SGCZ: variants seen among roughly 807,000 people sequenced by gnomAD.
SGCZ encodes the protein sarcoglycan zeta, also known as zeta-sarcoglycan.
Under a neutral mutation model 41.3 loss-of-function variants are expected in SGCZ, and 40 were observed. The observed-to-expected ratio is 0.97, with a 90% CI of 0.75 to 1.26. The LOEUF is 1.26. SGCZ is among the 50% of genes most tolerant of loss of function. The pLI, the probability that SGCZ is intolerant of heterozygous loss-of-function variation, is 0.00. For missense variants in SGCZ, 552 were observed against 369.8 expected (o/e 1.49, Z -4.04); for synonymous variants, 206 against 137.5 (o/e 1.50, Z -3.49).
At position 15,089,114 on chromosome 8, in the gene SGCZ, G is replaced by T. The variant is rs115040295; in HGVS notation, c.39+148471C>A. Among the ~76,000 whole-genome samples, 834 of 152,170 alleles carry T rather than the reference G, an allele frequency of 5.5e-3. 7 individuals carry two copies. Among genetic ancestry groups the T allele is most frequent in the African/African-American group, 0.019 (791 of 41,506 alleles). ...GTCTAACGTTAAAATGTTGGTTTAT[G>T]GCCATAGTTATATATTATAAATGCC... On this transcript the variant is annotated intron_variant, in intron 1 of 7. Transcript: ENST00000382080.
intron 1 of SGCZ, among the ~76,000 whole-genome samples, chr8:14,821,670 C>T (rs111827926): frequency 6.6e-6 from 1 of 152,046 alleles, no homozygotes; most frequent in Non-Finnish European, 1.5e-5. Flanking sequence ...ATACCCAAAT[C>T]ATTAAATGTG....
At chr8:14,376,292 C>T (rs1476614937) in intron 2 of SGCZ, among the ~76,000 whole-genome samples, 1 of 151,904 alleles carries the variant, frequency 6.6e-6, no homozygotes, top group Admixed American at 6.6e-5. Context: ...GCCTGGGCAA[C>T]AGAGCGGGAC....
At position 14,320,256 on chromosome 8, in the gene SGCZ, G is replaced by C. The variant is rs73533315; in HGVS notation, c.336+3847C>G. On this transcript the variant is annotated intron_variant, in intron 3 of 7. Transcript: ENST00000382080. ...ATAATGATAACCATGATAATACAAT[G>C]ATTATGAAAGCCTTCAGATATCTAT... is the stretch of plus-strand genomic sequence containing the variant. Among the ~76,000 whole-genome samples, 362 of 151,590 alleles carry C rather than the reference G, an allele frequency of 2.4e-3. 3 individuals are homozygous for C. The highest frequency in any genetic ancestry group is 8.3e-3 in the African/African-American group (345 of 41,436).
intron 1 of SGCZ, among the ~76,000 whole-genome samples, chr8:14,757,727 A>T (rs1286666678): frequency 2.0e-5 from 3 of 152,210 alleles, no homozygotes; most frequent in Non-Finnish European, 4.4e-5. Context: ...TCAGAACCTA[A>T]AAATAAATAT....
intron 5 of SGCZ, among the ~76,000 whole-genome samples, chr8:14,148,371 C>G (rs1031583657): frequency 6.6e-6 from 1 of 151,940 alleles, no homozygotes; most frequent in Non-Finnish European, 1.5e-5. Context: ...ACAACTGACA[C>G]TGCCAAAACG....
intron 1 of SGCZ, among the ~76,000 whole-genome samples, chr8:14,863,779 T>C (rs1463607863): frequency 6.6e-6 from 1 of 152,136 alleles, no homozygotes; most frequent in Non-Finnish European, 1.5e-5. Flanking sequence ...CATGGCTAAG[T>C]AGATGAAATT....
At chr8:15,042,599 T>C (rs146962875) in intron 1 of SGCZ, among the ~76,000 whole-genome samples, 78 of 152,300 alleles carry the variant, frequency 5.1e-4, no homozygotes, top group African/African-American at 1.8e-3. Context: ...TTGATATGGG[T>C]TAATACATGT....
intron 1 of SGCZ, among the ~76,000 whole-genome samples, chr8:14,921,486 A>T (rs987452605): frequency 6.6e-6 from 1 of 152,188 alleles, no homozygotes; most frequent in African/African-American, 2.4e-5. Flanking sequence ...TTAGTTAATA[A>T]ATATTCAATA....
intron 1 of SGCZ, among the ~76,000 whole-genome samples, chr8:15,026,982 A>T (rs527666003): frequency 6.6e-6 from 1 of 152,292 alleles, no homozygotes; most frequent in East Asian, 1.9e-4. Context: ...CTTCCAACAG[A>T]CAATGGTTCC....
chr8:15,050,257 A>C (rs1283619002), intron 1 of SGCZ, among the ~76,000 whole-genome samples: 2 of 152,186 alleles, frequency 1.3e-5, no homozygotes, highest in Non-Finnish European at 2.9e-5. Flanking sequence ...TGAACATATG[A>C]AAGTTGAGAT....
intron 1 of SGCZ, among the ~76,000 whole-genome samples, chr8:14,613,762 G>A: frequency 6.6e-6 from 1 of 152,148 alleles, no homozygotes; most frequent in East Asian, 1.9e-4. Flanking sequence ...TTACAGGAAA[G>A]ATGTGAGGAT....
At chr8:14,652,550 A>G (rs1299298561) in intron 1 of SGCZ, among the ~76,000 whole-genome samples, 1 of 151,960 alleles carries the variant, frequency 6.6e-6, no homozygotes, top group Non-Finnish European at 1.5e-5. Flanking sequence ...TGTTCAGTGA[A>G]TTCCGACAGC....
At chr8:15,084,135 T>C (rs574796060) in intron 1 of SGCZ, among the ~76,000 whole-genome samples, 1 of 152,316 alleles carries the variant, frequency 6.6e-6, no homozygotes, top group East Asian at 1.9e-4. Context: ...AGTAGTTCTG[T>C]TTTCAAGAAA....
chr8:14,866,711 G>T (rs560529194), intron 1 of SGCZ, among the ~76,000 whole-genome samples: 1 of 152,200 alleles, frequency 6.6e-6, no homozygotes, highest in Admixed American at 6.5e-5. Context: ...TCTAGAGGTT[G>T]AGGTGGGAGG....
intron 3 of SGCZ, among the ~76,000 whole-genome samples, chr8:14,238,505 C>T (rs752231157): frequency 6.6e-6 from 1 of 152,056 alleles, no homozygotes; most frequent in Admixed American, 6.6e-5. Flanking sequence ...ACTCTGGTAA[C>T]GTGTTGACTT....
chr8:15,234,819 T>C (rs190066756), intron 1 of SGCZ, among the ~76,000 whole-genome samples: 7 of 152,284 alleles, frequency 4.6e-5, no homozygotes, highest in Non-Finnish European at 8.8e-5. Flanking sequence ...CAAATAAAGA[T>C]AAATTATCAG....
At chr8:14,393,718 T>G (rs1180959443) in intron 2 of SGCZ, among the ~76,000 whole-genome samples, 1 of 152,136 alleles carries the variant, frequency 6.6e-6, no homozygotes, top group African/African-American at 2.4e-5. Context: ...GTTCTAAATT[T>G]TCCTGACATG....
At position 14,374,702 on chromosome 8, in the gene SGCZ, G is replaced by C. The variant is rs190405466; in HGVS notation, c.235-50498C>G. Reference sequence around the variant, plus strand: ...TAAGCTCATTGGCTTGGGAGTAGAGGTGCAGTAGTCAGATAATTGGTCTTT... The same window carrying C: ...TAAGCTCATTGGCTTGGGAGTAGAGCTGCAGTAGTCAGATAATTGGTCTTT... On this transcript the variant is annotated intron_variant, in intron 2 of 7. Coordinates refer to ENST00000382080, the MANE Select transcript of SGCZ (RefSeq NM_139167.4). 7.4e-4 allele frequency among the ~76,000 whole-genome samples: 113 copies of C among 152,240 alleles called. 2 individuals are homozygous for C. Among genetic ancestry groups the C allele is most frequent in the Admixed American group, 6.5e-3 (99 of 15,286 alleles).
chr8:14,456,593 T>G (rs1585539172), intron 2 of SGCZ, among the ~76,000 whole-genome samples: 2 of 152,056 alleles, frequency 1.3e-5, no homozygotes, highest in African/African-American at 4.8e-5. Flanking sequence ...ACGAGATTGG[T>G]TACCTATTGA....
Sources: gnomAD v4.1 joint callset for allele counts (sites outside exome capture counted in the v4.1 genomes callset) on GRCh38, gnomAD v4.1.1 for gene constraint, MANE v1.5 for transcripts, NCBI Gene and HGNC (gene_info 2026-07-23, HGNC 2026-07-21) for gene names.